ADAMTS20: variants seen among roughly 807,000 people sequenced by gnomAD.
ADAMTS20 encodes the protein ADAM metallopeptidase with thrombospondin type 1 motif 20.
Under a neutral mutation model 260.1 loss-of-function variants are expected in ADAMTS20, and 225 were observed. The ratio of observed to expected loss-of-function variants is 0.87; its 90% CI spans 0.78 to 0.97. The LOEUF is 0.97. ADAMTS20 is among the 50% of genes least tolerant of loss of function. ADAMTS20 has a pLI of 0.00. For missense variants in ADAMTS20, 2,400 were observed against 2,337.7 expected, an observed-to-expected ratio of 1.03 and a Z score of -0.55; for synonymous variants, 802 against 769.5, an observed-to-expected ratio of 1.04 and a Z score of -0.70.
rs567060339 is a variant in ADAMTS20 at position 43,451,435 on chromosome 12, G to A, written c.2079+839C>T. 6.6e-5 allele frequency among the ~76,000 whole-genome samples: 10 copies of A among 151,752 alleles called. 1 individual carries two copies. The East Asian group carries it at 7.8e-4, about 12-fold the overall frequency. Reference sequence around the variant, plus strand: ...TTTTGAAGATTCCAATATGCAAATCGAATCACATCTCTCCCTTGACTTCAA... The same window carrying A: ...TTTTGAAGATTCCAATATGCAAATCAAATCACATCTCTCCCTTGACTTCAA... On this transcript the variant is annotated intron_variant, in intron 14 of 38. Coordinates refer to ENST00000389420, the MANE Select transcript of ADAMTS20 (RefSeq NM_025003.5).
At chr12:43,391,864 G>A (rs1940603604) in intron 29 of ADAMTS20, among the ~76,000 whole-genome samples, 1 of 152,146 alleles carries the variant, frequency 6.6e-6, no homozygotes, top group South Asian at 2.1e-4. Context: ...CTCATAAACT[G>A]TGTCAACATT....
In ADAMTS20 at chr12:43,532,178, T is replaced by A. The variant is rs923062247; in HGVS notation, c.471A>T (p.Gly157=). 5.6e-6 allele frequency: 9 copies of A among 1,600,336 alleles called. 1 individual carries two copies. The East Asian group carries it at 1.3e-4, about 24-fold the overall frequency. ...LCGGLTGTFK[G]QNGEYFLEPI... ...GTTCTAAGAAATATTCACCGTTCTG[T>A]CCTTTAAATGTTCCCGTCTGAAAAT... The change falls in exon 3 of 39, where the codon GGA becomes GGT. Residue 157 remains glycine, a synonymous_variant. Coordinates refer to ENST00000389420, the MANE Select transcript of ADAMTS20 (RefSeq NM_025003.5).
At chr12:43,549,336 T>A (rs1056506770) in intron 2 of ADAMTS20, among the ~76,000 whole-genome samples, 2 of 151,962 alleles carry the variant, frequency 1.3e-5, no homozygotes, top group African/African-American at 4.8e-5. Context: ...GGCAACTGTA[T>A]CCAAAATGAC....
chr12:43,387,910 C>A (rs1335255480), intron 29 of ADAMTS20, among the ~76,000 whole-genome samples: 1 of 152,038 alleles, frequency 6.6e-6, no homozygotes, highest in South Asian at 2.1e-4. Context: ...AGGTTGACAT[C>A]AGACTGCCGT....
At chr12:43,452,723 A>G in intron 12 of ADAMTS20, 28 bp from the exon 13 acceptor site, 1 of 1,559,586 alleles carries the variant, frequency 6.4e-7, no homozygotes, top group East Asian at 2.3e-5. Context: ...ATTTTAAAGC[A>G]CATCAGTACA....
At position 43,464,722 on chromosome 12, in the gene ADAMTS20, C is replaced by A; in HGVS notation, c.1378G>T (p.Gly460Trp). Reference sequence around the variant, plus strand: ...TCTGGTTTGTCAAGAAGACATTCCCCGTAACCAGTACTGTAACAGTGACAG... The same window carrying A: ...TCTGGTTTGTCAAGAAGACATTCCCAGTAACCAGTACTGTAACAGTGACAG... ...YVTEFLDTGY[G>W]ECLLDKPDEE... Residue 460 changes from glycine to tryptophan, a missense_variant, in exon 10 of 39, where the codon GGG becomes TGG. Transcript: ENST00000389420. 1 of 1,612,482 alleles carries A rather than the reference C, an allele frequency of 6.2e-7. No individual in the cohort carries two copies. Among genetic ancestry groups the A allele is most frequent in the Non-Finnish European group, 8.5e-7 (1 of 1,179,064 alleles).
At chr12:43,471,243 G>A (rs1401525459) in intron 7 of ADAMTS20, among the ~76,000 whole-genome samples, 6 of 152,120 alleles carry the variant, frequency 3.9e-5, no homozygotes, top group Non-Finnish European at 7.4e-5. Context: ...CTGGAAAATC[G>A]GGTCGCTCCC....
At chr12:43,445,581 A>T (rs1240670215) in intron 15 of ADAMTS20, among the ~76,000 whole-genome samples, 1 of 152,130 alleles carries the variant, frequency 6.6e-6, no homozygotes, top group Non-Finnish European at 1.5e-5. Context: ...GTGGTGGTTC[A>T]TGCTTGTAAT....
chr12:43,525,417 A>G (rs1203149964), intron 3 of ADAMTS20, among the ~76,000 whole-genome samples: 3 of 152,232 alleles, frequency 2.0e-5, no homozygotes, highest in African/African-American at 7.2e-5. Flanking sequence ...ATGCACCAAA[A>G]TAGAATCTCT....
chr12:43,354,044 C>T lies in ADAMTS20; in HGVS notation c.*165G>A. On this transcript the variant is annotated 3_prime_UTR_variant, in exon 39 of 39. Coordinates refer to ENST00000389420, the MANE Select transcript of ADAMTS20 (RefSeq NM_025003.5). ...TAGCTCTTAAATTTCTTTTATAGACCTTATTAAGCAGTGATTTGAATCCCT... is the reference window on the plus strand; with the variant it reads ...TAGCTCTTAAATTTCTTTTATAGACTTTATTAAGCAGTGATTTGAATCCCT... 1.1e-5 allele frequency: 5 copies of T among 440,812 alleles called. No individual in the cohort carries two copies. The highest frequency in any genetic ancestry group is 5.0e-5 in the South Asian group (1 of 20,120). 27.3% of individuals were successfully genotyped at this position (440,812 alleles called of 1,614,324 possible).
intron 8 of ADAMTS20, among the ~76,000 whole-genome samples, chr12:43,467,519 T>C (rs1168507441): frequency 1.3e-5 from 2 of 152,026 alleles, no homozygotes; most frequent in Non-Finnish European, 2.9e-5. Context: ...AACTTACCCA[T>C]ATACTAGAGA....
intron 3 of ADAMTS20, 106 bp downstream of exon 3, chr12:43,531,930 T>G: frequency 1.3e-6 from 1 of 781,818 alleles, no homozygotes; most frequent in Non-Finnish European, 1.7e-6. Flanking sequence ...AAAAATTAAT[T>G]AAAAATAAAT....
intron 28 of ADAMTS20, among the ~76,000 whole-genome samples, chr12:43,402,335 C>A (rs768618949): frequency 6.6e-6 from 1 of 151,798 alleles, no homozygotes; most frequent in Non-Finnish European, 1.5e-5. Flanking sequence ...CAAAAGTCCT[C>A]TAGGAATGTT....
intron 7 of ADAMTS20, among the ~76,000 whole-genome samples, chr12:43,481,968 C>A (rs1178829205): frequency 6.6e-6 from 1 of 152,088 alleles, no homozygotes. Context: ...GAGAGCCTGC[C>A]ACCGTGACAC....
intron 11 of ADAMTS20, among the ~76,000 whole-genome samples, chr12:43,455,914 G>A (rs1359155092): frequency 1.3e-5 from 2 of 152,076 alleles, no homozygotes; most frequent in Non-Finnish European, 2.9e-5. Flanking sequence ...TCACCATGTT[G>A]GCCAGGATGG....
intron 3 of ADAMTS20, among the ~76,000 whole-genome samples, chr12:43,507,471 TAC>T (rs1001450236): frequency 2.0e-5 from 3 of 152,194 alleles, no homozygotes; most frequent in Admixed American, 2.0e-4. Flanking sequence ...TCAAGTAATT[TAC>T]CACTTGTCTC....
chr12:43,388,434 C>A (rs1408349540), intron 29 of ADAMTS20, among the ~76,000 whole-genome samples: 2 of 152,190 alleles, frequency 1.3e-5, no homozygotes, highest in Non-Finnish European at 2.9e-5. Context: ...CTGCATTGGT[C>A]TCACTAGAAG....
chr12:43,373,094 G>A (rs1272765768), intron 36 of ADAMTS20, among the ~76,000 whole-genome samples: 3 of 152,232 alleles, frequency 2.0e-5, no homozygotes, highest in Non-Finnish European at 4.4e-5. Context: ...GAAGGGCTGT[G>A]TATTATTTGC....
chr12:43,492,415 A>T, intron 6 of ADAMTS20, 90 bp downstream of exon 6: 4 of 1,458,056 alleles, frequency 2.7e-6, no homozygotes, highest in Non-Finnish European at 3.7e-6. Flanking sequence ...AAACAAAAAC[A>T]AAACAAAAAA....
Sources: allele counts gnomAD v4.1 joint callset (sites outside exome capture counted in the v4.1 genomes callset), GRCh38; gene constraint gnomAD v4.1.1; transcripts MANE v1.5; gene names NCBI Gene and HGNC (gene_info 2026-07-23, HGNC 2026-07-21).